The following PARD6B variants were observed in gnomAD, a reference collection of about 807,000 sequenced individuals.
The protein encoded by PARD6B is par-6 family cell polarity regulator beta, also known as partitioning defective 6 homolog beta.
PARD6B carries 4 observed loss-of-function variants against 10.5 expected under a neutral mutation model. The ratio of observed to expected loss-of-function variants is 0.38; its 90% CI spans 0.19 to 0.87. The LOEUF (loss-of-function observed/expected upper bound fraction) is 0.87. Ranked by LOEUF, PARD6B falls within the 40% of genes least tolerant of loss-of-function variation. PARD6B has a pLI of 0.41. For synonymous variants in PARD6B, 169 were observed against 170.4 expected (o/e 0.99, Z 0.07); for missense variants, 396 against 470.6 (o/e 0.84, Z 1.47).
chr20:50,751,626 G>A lies in PARD6B; in HGVS notation c.*1138G>A, dbSNP rs1012855080. The A allele has an allele frequency of 1.0e-4, 101 of 984,994 alleles. 1 individual carries two copies. Among genetic ancestry groups the A allele is most frequent in the Non-Finnish European group, 1.2e-4 (99 of 829,984 alleles). 61.0% of individuals were successfully genotyped at this position (984,994 alleles called of 1,614,324 possible). ...CTCCCAAAGTGCTGGGATTACAGGC[G>A]TGAGCCACCGCGCCCAGTTGTGCAT... On this transcript the variant is annotated 3_prime_UTR_variant, in exon 3 of 3. Transcript: ENST00000371610.
At chr20:50,733,114 A>G (rs1026518011) in intron 1 of PARD6B, among the ~76,000 whole-genome samples, 8 of 152,188 alleles carry the variant, frequency 5.3e-5, no homozygotes, top group Non-Finnish European at 1.0e-4. Flanking sequence ...TTCGTTTGTA[A>G]CATCATTAAA....
intron 1 of PARD6B, among the ~76,000 whole-genome samples, chr20:50,734,772 A>T (rs1178912481): frequency 6.6e-6 from 1 of 151,980 alleles, no homozygotes; most frequent in Non-Finnish European, 1.5e-5. Context: ...ATTCCCACCT[A>T]GGCCTCCCAA....
intron 1 of PARD6B, among the ~76,000 whole-genome samples, chr20:50,733,147 C>T (rs950720525): frequency 6.6e-6 from 1 of 152,234 alleles, no homozygotes; most frequent in Non-Finnish European, 1.5e-5. Flanking sequence ...AGTCTGGGCG[C>T]GGTGGCTCAC....
chr20:50,733,987 T>C (rs1445651786), intron 1 of PARD6B, among the ~76,000 whole-genome samples: 1 of 152,230 alleles, frequency 6.6e-6, no homozygotes, highest in Non-Finnish European at 1.5e-5. Context: ...CTGTCTAAAC[T>C]ACATGTTGTA....
chr20:50,737,667 C>T (rs1332631309), intron 1 of PARD6B, among the ~76,000 whole-genome samples, 190 bp from the exon 2 acceptor site: 1 of 152,136 alleles, frequency 6.6e-6, no homozygotes, highest in Non-Finnish European at 1.5e-5. Context: ...ACACAGCAGT[C>T]AGGAGGCACA....
chr20:50,744,582 G>T (rs2087554575), intron 2 of PARD6B, among the ~76,000 whole-genome samples: 1 of 152,112 alleles, frequency 6.6e-6, no homozygotes, highest in African/African-American at 2.4e-5. Context: ...TACTTCCCAG[G>T]AGGCCCTGTT....
chr20:50,745,851 A>G (rs1379676481), intron 2 of PARD6B, among the ~76,000 whole-genome samples: 2 of 152,156 alleles, frequency 1.3e-5, no homozygotes, highest in African/African-American at 2.4e-5. Flanking sequence ...TACAAGAGTG[A>G]TTATATAGCC....
Position 50,731,810 on chromosome 20 carries a change from G to A in PARD6B, c.24G>A (p.Gly8=). ...GCATGAACCGCAGCCACCGGCACGG[G>A]GCGGGCAGCGGCTGCCTGGGCACTA... MNRSHRH[G]AGSGCLGTME... The change falls in exon 1 of 3, where the codon GGG becomes GGA. Residue 8 remains glycine (G), a synonymous_variant. Transcript: ENST00000371610. 1 of 1,463,652 alleles carries A rather than the reference G, an allele frequency of 6.8e-7. No homozygotes were observed. The highest frequency in any genetic ancestry group is 3.0e-5 in the East Asian group (1 of 33,060). The allele number at this position is 1,463,652 out of a possible 1,614,324, so 90.7% of individuals were successfully genotyped here.
chr20:50,753,408 A>G lies in PARD6B; in HGVS notation c.*2920A>G, dbSNP rs1165183803. 2.0e-6 allele frequency: 2 copies of G among 983,826 alleles called. No homozygotes were observed. Among genetic ancestry groups the G allele is most frequent in the East Asian group, 1.1e-4 (1 of 8,818 alleles). 60.9% of individuals were successfully genotyped at this position (983,826 alleles called of 1,614,324 possible). On this transcript the variant is annotated 3_prime_UTR_variant, in exon 3 of 3. Transcript: ENST00000371610. ...TCAAGTGCACCTTATTAACAAAAGT[A>G]TCAGTGGATCCAACATAAAATTTTA...
Position 50,748,347 on chromosome 20 carries a change from CA to C in PARD6B, c.290-1310del, listed in dbSNP as rs1356801775. Among the ~76,000 whole-genome samples the C allele has an allele frequency of 3.3e-5, 5 of 152,310 alleles. No homozygotes were observed. In the East Asian group the frequency reaches 9.6e-4, roughly 29 times the overall value. ...CGACAGAGCGAGACTCCGTCTCAAA[CA>C]ATAGCAACAGAAAACTGAGGGAGAG... is the stretch of plus-strand genomic sequence containing the variant. On this transcript the variant is annotated intron_variant, in intron 2 of 2. Transcript: ENST00000371610.
chr20:50,749,954 C>T lies in PARD6B; in HGVS notation c.585C>T (p.Ser195=), dbSNP rs61730981. The T allele has an allele frequency of 0.021, 34,029 of 1,614,132 alleles. 422 individuals are homozygous for T. The highest frequency in any genetic ancestry group is 0.026 in the Non-Finnish European group (30,475 of 1,180,024). ...GLEKVPGIFI[S]RLVPGGLAQS... The stretch of plus-strand genomic sequence containing the variant: ...AAAAGGTTCCAGGGATCTTTATATC[C>T]AGGCTTGTCCCAGGAGGTCTGGCTC... Residue 195 remains serine, a synonymous_variant, in exon 3 of 3, where the codon TCC becomes TCT. Coordinates refer to ENST00000371610, the MANE Select transcript of PARD6B (RefSeq NM_032521.3).
At position 50,750,337 on chromosome 20, in the gene PARD6B, T is replaced by C. The variant is rs1452262432; in HGVS notation, c.968T>C (p.Ile323Thr). 6.2e-7 allele frequency: 1 copy of C among 1,614,066 alleles called. No homozygotes were observed. Among genetic ancestry groups the C allele is most frequent in the African/African-American group, 1.3e-5 (1 of 74,930 alleles). Residue 323 changes from isoleucine to threonine, a missense_variant, in exon 3 of 3, where the codon ATA (isoleucine) becomes ACA (threonine). Coordinates refer to ENST00000371610, the MANE Select transcript of PARD6B (RefSeq NM_032521.3). ...NTESLESLTQ[I>T]ELSFESGQNG... ...GAGAGCCTGGAGTCATTAACACAGA[T>C]AGAGCTAAGCTTTGAGTCTGGACAG...
chr20:50,752,721 A>T lies in PARD6B; in HGVS notation c.*2233A>T. ...GATTCAAATGACTCCGCTTTGAAGG[A>T]TGTTTTCTCTATATGGTAAAATATA... On this transcript the variant is annotated 3_prime_UTR_variant, in exon 3 of 3. Transcript: ENST00000371610. The T allele has an allele frequency of 1.0e-6, 1 of 981,918 alleles. No individual in the cohort carries two copies. The highest frequency in any genetic ancestry group is 1.2e-6 in the Non-Finnish European group (1 of 826,364). The allele number at this position is 981,918 out of a possible 1,614,324, so 60.8% of individuals were successfully genotyped here. A position where few individuals can be genotyped will look rare whatever the true frequency, so the allele number is the denominator to read the frequency against.
In PARD6B at chr20:50,750,390, A is replaced by T; in HGVS notation, c.1021A>T (p.Ser341Cys). 6.2e-7 allele frequency: 1 copy of T among 1,614,228 alleles called. No homozygotes were observed. The highest frequency in any genetic ancestry group is 8.5e-7 in the Non-Finnish European group (1 of 1,180,046). Residue 341 changes from serine (S) to cysteine (C), a missense_variant, in exon 3 of 3, where the codon AGC becomes TGC. Physicochemically the swap from Ser to Cys is moderately radical, Grantham distance 112. Around this residue, in one of 2 missense-constraint regions of PARD6B, gnomAD observed 188 missense variants for 169.7 expected, o/e 1.11. Coordinates refer to ENST00000371610, the MANE Select transcript of PARD6B (RefSeq NM_032521.3). Reference protein sequence around the residue: ...QNGFIPSNEVSLAAIASSSNT... With the variant: ...QNGFIPSNEVCLAAIASSSNT... ...TGGCTTTATTCCCTCTAATGAAGTG[A>T]GCTTAGCAGCCATAGCAAGCAGCTC... is the stretch of plus-strand genomic sequence containing the variant.
At position 50,750,030 on chromosome 20, in the gene PARD6B, A is replaced by G. The variant is rs553684387; in HGVS notation, c.661A>G (p.Ile221Val). ...VNDEVLEVNGIEVSGKSLDQV... is the reference protein window; with the variant it reads ...VNDEVLEVNGVEVSGKSLDQV... ...TGATGAAGTTTTAGAAGTTAATGGCATAGAAGTTTCAGGGAAGAGCCTTGA... is the reference window on the plus strand; with the variant it reads ...TGATGAAGTTTTAGAAGTTAATGGCGTAGAAGTTTCAGGGAAGAGCCTTGA... The change falls in exon 3 of 3, where the codon ATA becomes GTA. Residue 221 changes from isoleucine to valine, a missense_variant. By Grantham distance (29) the Ile-to-Val change is conservative. Transcript: ENST00000371610. The G allele has an allele frequency of 9.3e-6, 15 of 1,614,238 alleles. 1 individual carries two copies. The South Asian group carries it at 1.2e-4, about 13-fold the overall frequency.
At chr20:50,738,199 A>G (rs928061580) in intron 2 of PARD6B, 120 bp downstream of exon 2, 3 of 619,468 alleles carry the variant, frequency 4.8e-6, no homozygotes, top group Non-Finnish European at 7.9e-6. Context: ...GAATCTTCTT[A>G]TGTTAACTAA....
Position 50,738,097 on chromosome 20 carries a change from G to C in PARD6B, c.289+18G>C. 1 of 1,523,120 alleles carries C rather than the reference G, an allele frequency of 6.6e-7. No individual in the cohort carries two copies. Among genetic ancestry groups the C allele is most frequent in the Non-Finnish European group, 8.9e-7 (1 of 1,124,150 alleles). 94.4% of individuals were successfully genotyped at this position (1,523,120 alleles called of 1,614,324 possible). A position where few individuals can be genotyped will look rare whatever the true frequency, so the allele number is the denominator to read the frequency against. ...AAAGAAGGGTAAGTATCACTGTTTA[G>C]AAAAATTGTGTTAGAAATAGAAATA... On this transcript the variant is annotated intron_variant, in intron 2 of 2. Transcript: ENST00000371610.
At position 50,750,136 on chromosome 20, in the gene PARD6B, T is replaced by C. The variant is rs373485771; in HGVS notation, c.767T>C (p.Val256Ala). Reference sequence around the variant, plus strand: ...CCGGCAAACCAGAGGAATAATGTTGTGAGGAACAGTCGGACTTCTGGCAGT... The same window carrying C: ...CCGGCAAACCAGAGGAATAATGTTGCGAGGAACAGTCGGACTTCTGGCAGT... ...VRPANQRNNV[V>A]RNSRTSGSSG... The change falls in exon 3 of 3, where the codon GTG becomes GCG. Residue 256 changes from valine (V) to alanine (A), a missense_variant. Physicochemically the swap from Val to Ala is moderately conservative, Grantham distance 64. This residue lies in a region of PARD6B where 188 missense variants were observed against 169.7 expected (regional missense o/e 1.11). Transcript: ENST00000371610. The C allele has an allele frequency of 2.5e-6, 4 of 1,614,108 alleles. No homozygotes were observed. In the African/African-American group the frequency reaches 5.3e-5, roughly 22 times the overall value.
At chr20:50,739,796 C>T (rs2087520650) in intron 2 of PARD6B, among the ~76,000 whole-genome samples, 1 of 100,686 alleles carries the variant, frequency 9.9e-6, no homozygotes, top group Non-Finnish European at 2.0e-5. Context: ...TTGGAGTGGG[C>T]AGCAGTCTTA....
Sources: gnomAD v4.1 joint callset for allele counts (sites outside exome capture counted in the v4.1 genomes callset) on GRCh38, gnomAD v4.1.1 for gene constraint, gnomAD v4.1.1 regional missense constraint, MANE v1.5 for transcripts, NCBI Gene and HGNC (gene_info 2026-07-23, HGNC 2026-07-21) for gene names.